BOD1L1: variants seen among roughly 807,000 people sequenced by gnomAD.
The protein encoded by BOD1L1 is biorientation of chromosomes in cell division protein 1-like 1.
In BOD1L1, 86 loss-of-function variants were observed where a neutral mutation model predicts 240.7. That is an observed-to-expected ratio of 0.36 (90% CI 0.30 to 0.43). The LOEUF is 0.43. BOD1L1 is among the 20% of genes least tolerant of loss of function. The pLI, the probability that BOD1L1 is intolerant of heterozygous loss-of-function variation, is 1.00. For synonymous variants in BOD1L1, 1,268 were observed against 1,272.3 expected, an observed-to-expected ratio of 1.00 and a Z score of 0.07; for missense variants, 3,554 against 3,643.5, an observed-to-expected ratio of 0.98 and a Z score of 0.63.
In BOD1L1 at chr4:13,579,470, A is replaced by G. The variant is rs188056513; in HGVS notation, c.8749+458T>C. On this transcript the variant is annotated intron_variant, in intron 22 of 25. Transcript: ENST00000040738. ...TGTACTTTCTCAGTCTGACCATACT[A>G]TTTATTTGATACAAAATAGCTGTCA... Among the ~76,000 whole-genome samples the G allele has an allele frequency of 1.1e-4, 16 of 152,300 alleles. 1 individual carries two copies. The highest frequency in any genetic ancestry group is 1.3e-4 in the Admixed American group (2 of 15,296).
Position 13,604,467 on chromosome 4 carries a change from T to A in BOD1L1, c.2433A>T (p.Glu811Asp). 6.5e-7 allele frequency: 1 copy of A among 1,542,860 alleles called. No homozygotes were observed. The highest frequency in any genetic ancestry group is 8.7e-7 in the Non-Finnish European group (1 of 1,154,866). ...CATTCTCATCTGTTTTTATAATATATTCAGAAACTGGCTTTCCATCTTTGC... is the reference window on the plus strand; with the variant it reads ...CATTCTCATCTGTTTTTATAATATAATCAGAAACTGGCTTTCCATCTTTGC... ...VLGKDGKPVS[E>D]YIIKTDENVR... Residue 811 changes from glutamate (E) to aspartate (D), a missense_variant, in exon 10 of 26, where the codon GAA becomes GAT. Glu to Asp is a conservative substitution (Grantham distance 45). Coordinates refer to ENST00000040738, the MANE Select transcript of BOD1L1 (RefSeq NM_148894.3).
chr4:13,590,490 A>T (rs902744270), intron 13 of BOD1L1, 44 bp from the exon 14 acceptor site: 2 of 1,019,698 alleles, frequency 2.0e-6, no homozygotes, highest in African/African-American at 3.4e-5. Context: ...GTCTCACAAA[A>T]ATTTAAAGGC....
intron 2 of BOD1L1, 55 bp from the exon 3 acceptor site, chr4:13,615,557 A>G: frequency 2.1e-6 from 3 of 1,448,784 alleles, no homozygotes; most frequent in Non-Finnish European, 2.8e-6. Flanking sequence ...TATTTGCATT[A>G]ATTACTTTAA....
chr4:13,588,208 A>G (rs1310924701), intron 15 of BOD1L1, among the ~76,000 whole-genome samples: 2 of 151,962 alleles, frequency 1.3e-5, no homozygotes, highest in Admixed American at 6.6e-5. Flanking sequence ...AAAAAGAAAA[A>G]AAAATCTAGA....
At chr4:13,617,723 G>T (rs1195281979) in intron 2 of BOD1L1, among the ~76,000 whole-genome samples, 1 of 152,150 alleles carries the variant, frequency 6.6e-6, no homozygotes, top group Non-Finnish European at 1.5e-5. Context: ...GAAATTACTG[G>T]TATTAGACCA....
intron 9 of BOD1L1, 86 bp downstream of exon 9, chr4:13,607,031 A>G: frequency 2.1e-6 from 2 of 937,470 alleles, no homozygotes; most frequent in Non-Finnish European, 3.0e-6. Context: ...AAAAAAGTCA[A>G]ATTACATTCT....
intron 24 of BOD1L1, 30 bp downstream of exon 24, chr4:13,577,371 TAA>T (rs1267205518): frequency 2.5e-6 from 4 of 1,594,588 alleles, no homozygotes; most frequent in Non-Finnish European, 3.4e-6. Context: ...TTTGAAACAA[TAA>T]GACTTATTAA....
chr4:13,596,278 G>A (rs189206524), intron 11 of BOD1L1, among the ~76,000 whole-genome samples: 37 of 152,136 alleles, frequency 2.4e-4, no homozygotes, highest in Admixed American at 1.6e-3. Flanking sequence ...CCACTGCAGC[G>A]CCTGAGACAC....
Position 13,599,840 on chromosome 4 carries a change from C to T in BOD1L1, c.7060G>A (p.Ala2354Thr), listed in dbSNP as rs527644651. 1.9e-6 allele frequency: 3 copies of T among 1,614,024 alleles called. No individual in the cohort carries two copies. The highest frequency in any genetic ancestry group is 2.5e-6 in the Non-Finnish European group (3 of 1,179,888). ...TCACCGTTCCCTTCTGGGTTGTCTG[C>T]AGTCAGCTGATTCTCTTCATGTCTG... ...IDRHEENQLT[A>T]DNPEGNGDLS... Residue 2354 changes from alanine to threonine, a missense_variant, in exon 10 of 26, where the codon GCA (alanine) becomes ACA (threonine). Transcript: ENST00000040738.
intron 1 of BOD1L1, among the ~76,000 whole-genome samples, chr4:13,627,042 A>G (rs1422938398): frequency 1.3e-5 from 2 of 152,250 alleles, no homozygotes; most frequent in African/African-American, 4.8e-5. Flanking sequence ...CAGATATGAG[A>G]ATGAATACAA....
intron 21 of BOD1L1, among the ~76,000 whole-genome samples, chr4:13,580,764 G>A (rs554599667): frequency 6.6e-6 from 1 of 152,024 alleles, no homozygotes; most frequent in Non-Finnish European, 1.5e-5. Flanking sequence ...TTAACCAAGG[G>A]TGGCCACAAG....
At chr4:13,594,871 GCAAA>G (rs1714500490) in intron 12 of BOD1L1, among the ~76,000 whole-genome samples, 1 of 152,118 alleles carries the variant, frequency 6.6e-6, no homozygotes, top group South Asian at 2.1e-4. Context: ...CTCCAACCTG[GCAAA>G]CAGAGTGAGA....
At chr4:13,582,807 A>C in intron 17 of BOD1L1, 71 bp from the exon 18 acceptor site, 1 of 1,048,052 alleles carries the variant, frequency 9.5e-7, no homozygotes, top group Admixed American at 2.6e-5. Context: ...CTCCCCACAC[A>C]AGTTTGCCTT....
At chr4:13,615,230 G>GT in intron 3 of BOD1L1, 82 bp downstream of exon 3, 1 of 1,353,974 alleles carries the variant, frequency 7.4e-7, no homozygotes, top group Non-Finnish European at 1.0e-6. Context: ...TAAAAAATGT[G>GT]TTAAAGAGCC....
intron 14 of BOD1L1, among the ~76,000 whole-genome samples, 186 bp downstream of exon 14, chr4:13,590,200 A>C (rs1714086754): frequency 6.6e-6 from 1 of 152,200 alleles, no homozygotes; most frequent in Admixed American, 6.5e-5. Context: ...GGAATAAGTC[A>C]CCTGGCCTAA....
In BOD1L1 at chr4:13,586,440, T is replaced by C. The variant is rs761813914; in HGVS notation, c.8389A>G (p.Thr2797Ala). 1.9e-6 allele frequency: 3 copies of C among 1,612,244 alleles called. No homozygotes were observed. The highest frequency in any genetic ancestry group is 1.7e-5 in the Admixed American group (1 of 59,868). The change falls in exon 17 of 26, where the codon ACA (threonine) becomes GCA (alanine). Residue 2797 changes from threonine to alanine, a missense_variant. Thr to Ala is a moderately conservative substitution (Grantham distance 58, BLOSUM62 0). This residue lies in a region of BOD1L1 where 3,393 missense variants were observed against 3,427.1 expected (regional missense o/e 0.99). Coordinates refer to ENST00000040738, the MANE Select transcript of BOD1L1 (RefSeq NM_148894.3). ...GTTTCAGGACACTGCCTTTGTGCTG[T>C]TTCTATTCTGGAATCCAGGACATCT... ...NPDVLDSRIE[T>A]AQRQCPETEP...
At position 13,582,656 on chromosome 4, in the gene BOD1L1, T is replaced by G; in HGVS notation, c.8514A>C (p.Glu2838Asp). ...CCAAGCAGATATTTTACTCACCTTT[T>G]TCTTCCATGACCCTTGAGGTAGTGC... ...TNSTTSRVME[E>D]KDEYSSSETT... Residue 2838 changes from glutamate (E) to aspartate (D), a missense_variant, in exon 18 of 26, where the codon GAA (glutamate) becomes GAC (aspartate). Physicochemically the swap from Glu to Asp is conservative, Grantham distance 45. Coordinates refer to ENST00000040738, the MANE Select transcript of BOD1L1 (RefSeq NM_148894.3). 6.2e-7 allele frequency: 1 copy of G among 1,609,788 alleles called. No individual in the cohort carries two copies. The highest frequency in any genetic ancestry group is 8.5e-7 in the Non-Finnish European group (1 of 1,176,374).
At chr4:13,574,257 G>A (rs1712506539) in intron 25 of BOD1L1, among the ~76,000 whole-genome samples, 1 of 152,160 alleles carries the variant, frequency 6.6e-6, no homozygotes, top group Non-Finnish European at 1.5e-5. Context: ...AGCTGCAGGT[G>A]CAGTGACTCA....
intron 21 of BOD1L1, among the ~76,000 whole-genome samples, chr4:13,580,576 T>C (rs1713148438): frequency 6.6e-6 from 1 of 152,198 alleles, no homozygotes; most frequent in East Asian, 1.9e-4. Flanking sequence ...TACGTCAGGG[T>C]CAAAGATAAA....
Sources: allele counts gnomAD v4.1 joint callset (sites outside exome capture counted in the v4.1 genomes callset), GRCh38; gene constraint gnomAD v4.1.1; regional missense constraint gnomAD v4.1.1; transcripts MANE v1.5; gene names NCBI Gene and HGNC (gene_info 2026-07-23, HGNC 2026-07-21).